The following HGS variants were observed in gnomAD, a reference collection of about 807,000 sequenced individuals.
The protein encoded by HGS is human growth factor-regulated tyrosine kinase substrate.
A neutral mutation model predicts 109.7 loss-of-function variants in HGS; 63 were observed. The observed-to-expected ratio is 0.57, with a 90% CI of 0.47 to 0.71. The LOEUF (loss-of-function observed/expected upper bound fraction) is 0.71. Among genes scored for constraint, HGS ranks in the 30% least tolerant of loss-of-function variants. The pLI, the probability that HGS is intolerant of heterozygous loss-of-function variation, is 0.00. For missense variants in HGS, 995 were observed against 1,068.3 expected, an observed-to-expected ratio of 0.93 and a Z score of 0.96; for synonymous variants, 546 against 437.3, an observed-to-expected ratio of 1.25 and a Z score of -3.10.
At chr17:81,687,851 C>A (rs1311011590) in intron 4 of HGS, among the ~76,000 whole-genome samples, 1 of 152,208 alleles carries the variant, frequency 6.6e-6, no homozygotes, top group South Asian at 2.1e-4. Context: ...CCGGGGATCC[C>A]GGTGGACAGC....
chr17:81,700,616 G>A lies in HGS; in HGVS notation c.2016+16G>A, dbSNP rs546638335. 2.3e-5 allele frequency: 36 copies of A among 1,595,188 alleles called. No homozygotes were observed. The highest frequency in any genetic ancestry group is 1.3e-4 in the African/African-American group (10 of 74,648). ...GGGCTACCAGGTACACAGGAAGGCC[G>A]CTCCTCTCCTTCCAGGGCCAGCCCC... On this transcript the variant is annotated intron_variant, in intron 19 of 21. Transcript: ENST00000329138.
intron 8 of HGS, among the ~76,000 whole-genome samples, 197 bp from the exon 9 acceptor site, chr17:81,693,305 CT>C (rs1473721569): frequency 2.0e-5 from 3 of 152,252 alleles, no homozygotes; most frequent in Admixed American, 1.3e-4. Context: ...CACCCGAGCC[CT>C]TGTGGCTGGT....
intron 2 of HGS, 31 bp from the exon 3 acceptor site, chr17:81,686,281 T>C (rs72858892): frequency 0.086 from 136,787 of 1,589,792 alleles, 6,916 homozygotes; most frequent in East Asian, 0.26. Context: ...TTTCCCGTTT[T>C]TCTCTGCTTT....
chr17:81,685,556 G>A (rs1236815343), intron 1 of HGS, 49 bp from the exon 2 acceptor site: 4 of 1,357,478 alleles, frequency 2.9e-6, no homozygotes, highest in Admixed American at 1.8e-5. Context: ...GTGCTGCACG[G>A]GGCGTCCAGC....
Position 81,690,254 on chromosome 17 carries a change from A to G in HGS, c.468+20A>G. On this transcript the variant is annotated intron_variant, in intron 6 of 21. Transcript: ENST00000329138. ...GAGAGAGTGAGTGTGGGCGGCCGCC[A>G]GGGGTTCTGGAGTCGGGCTGCTCAG... 2 of 1,613,168 alleles carry G rather than the reference A, an allele frequency of 1.2e-6. No individual in the cohort carries two copies. The highest frequency in any genetic ancestry group is 1.7e-6 in the Non-Finnish European group (2 of 1,179,458).
chr17:81,688,974 C>T, intron 5 of HGS, 147 bp downstream of exon 5: 1 of 1,129,718 alleles, frequency 8.9e-7, no homozygotes, highest in South Asian at 1.5e-5. Context: ...CCAGGGAAGA[C>T]CGTGCATGTG....
chr17:81,690,640 G>A (rs775555545), intron 6 of HGS, 34 bp from the exon 7 acceptor site: 4 of 1,597,120 alleles, frequency 2.5e-6, no homozygotes, highest in South Asian at 2.2e-5. Flanking sequence ...GGTGGGGCGG[G>A]AAGCGTGTGG....
intron 5 of HGS, among the ~76,000 whole-genome samples, chr17:81,689,966 C>A (rs1314555598): frequency 3.3e-5 from 5 of 152,178 alleles, no homozygotes; most frequent in Non-Finnish European, 7.4e-5. Flanking sequence ...AGGAAGAGGG[C>A]AGCAGGGCCT....
In HGS at chr17:81,694,824, G is replaced by C. The variant is rs757437851; in HGVS notation, c.946G>C (p.Ala316Pro). ...GCCCTTTTCTCCCCAGAACTCGTCGGCGCCTCTGGCTGAGGACATCGACCC... is the reference window on the plus strand; with the variant it reads ...GCCCTTTTCTCCCCAGAACTCGTCGCCGCCTCTGGCTGAGGACATCGACCC... Reference protein sequence around the residue: ...SLYSSPVNSSAPLAEDIDPEL... With the variant: ...SLYSSPVNSSPPLAEDIDPEL... The change falls in exon 12 of 22, where the codon GCG becomes CCG. Residue 316 changes from alanine (A) to proline (P), a missense_variant. By Grantham distance (27) the Ala-to-Pro change is conservative. Around this residue, in one of 6 missense-constraint regions of HGS, gnomAD observed 300 missense variants for 235.4 expected, o/e 1.27. Coordinates refer to ENST00000329138, the MANE Select transcript of HGS (RefSeq NM_004712.5). 1.9e-5 allele frequency: 30 copies of C among 1,614,248 alleles called. No individual in the cohort carries two copies. The highest frequency in any genetic ancestry group is 2.5e-5 in the Non-Finnish European group (30 of 1,180,034).
At chr17:81,696,057 T>C in intron 15 of HGS, 58 bp downstream of exon 15, 2 of 1,435,260 alleles carry the variant, frequency 1.4e-6, no homozygotes, top group Middle Eastern at 2.4e-4. Context: ...GTGAGCGCCA[T>C]CCTGGGCCAG....
chr17:81,686,436 C>A, intron 3 of HGS, 49 bp downstream of exon 3: 1 of 1,308,652 alleles, frequency 7.6e-7, no homozygotes, highest in Non-Finnish European at 1.1e-6. Flanking sequence ...CTACCCCCTA[C>A]TAGTCACGAC....
chr17:81,695,732 G>C (rs2037135363), intron 14 of HGS, 54 bp from the exon 15 acceptor site: 8 of 1,553,632 alleles, frequency 5.1e-6, no homozygotes, highest in Non-Finnish European at 7.1e-6. Flanking sequence ...GGCCCCACCA[G>C]GGAGGCTGGC....
rs2037150618 is a variant in HGS at position 81,696,480 on chromosome 17, G to A, written c.1517G>A (p.Arg506His). The change falls in exon 16 of 22, where the codon CGC (arginine) becomes CAC (histidine). Residue 506 changes from arginine (R) to histidine (H), a missense_variant. Coordinates refer to ENST00000329138, the MANE Select transcript of HGS (RefSeq NM_004712.5). Reference protein sequence around the residue: ...RRAAEEAERQRQIQLAQKLEI... With the variant: ...RRAAEEAERQHQIQLAQKLEI... ...GCAGCCGAGGAGGCAGAGCGCCAGC[G>A]CCAGATCCAGCTGGCCCAGAAGCTG... The A allele has an allele frequency of 3.3e-6, 5 of 1,528,256 alleles. No homozygotes were observed. The highest frequency in any genetic ancestry group is 1.2e-5 in the South Asian group (1 of 80,134). The allele number at this position is 1,528,256 out of a possible 1,614,324, so 94.7% of individuals were successfully genotyped here. A position where few individuals can be genotyped will look rare whatever the true frequency, so the allele number is the denominator to read the frequency against.
intron 4 of HGS, among the ~76,000 whole-genome samples, chr17:81,687,766 C>T (rs1482363793): frequency 6.6e-6 from 1 of 152,106 alleles, no homozygotes; most frequent in Non-Finnish European, 1.5e-5. Flanking sequence ...CAGGCTGCTC[C>T]CCTTCTGTCC....
At chr17:81,698,793 G>A (rs1248481741) in intron 18 of HGS, among the ~76,000 whole-genome samples, 1 of 152,234 alleles carries the variant, frequency 6.6e-6, no homozygotes, top group Non-Finnish European at 1.5e-5. Context: ...GTGCAGCCAG[G>A]TGCGGTGGCT....
At chr17:81,699,888 A>G (rs961036297) in intron 18 of HGS, among the ~76,000 whole-genome samples, 1 of 147,508 alleles carries the variant, frequency 6.8e-6, no homozygotes, top group Non-Finnish European at 1.5e-5. Flanking sequence ...CAGCCTGACC[A>G]ACATGGTGAA....
At position 81,694,988 on chromosome 17, in the gene HGS, C is replaced by T. The variant is rs756779042; in HGVS notation, c.1040C>T (p.Thr347Met). The change falls in exon 13 of 22, where the codon ACG becomes ATG. Residue 347 changes from threonine (T) to methionine (M), a missense_variant. Transcript: ENST00000329138. ...KKQEEARKSP[T>M]PSAPVPLTEP... ...CAGGAGGAGGCTCGCAAGAGCCCCA[C>T]GCCATCTGCGCCCGTGCCCCTGACG... The T allele has an allele frequency of 8.7e-6, 14 of 1,614,112 alleles. No individual in the cohort carries two copies. Among genetic ancestry groups the T allele is most frequent in the East Asian group, 2.2e-5 (1 of 44,878 alleles).
intron 19 of HGS, 35 bp downstream of exon 19, chr17:81,700,635 C>G (rs756869667): frequency 1.5e-6 from 2 of 1,316,946 alleles, no homozygotes; most frequent in Admixed American, 4.4e-5. Flanking sequence ...CTTCCAGGGC[C>G]AGCCCCAGCC....
chr17:81,701,226 C>T (rs1235252079), intron 21 of HGS, 95 bp downstream of exon 21: 3 of 1,141,820 alleles, frequency 2.6e-6, no homozygotes, highest in Admixed American at 1.9e-5. Context: ...GGGGATTGTC[C>T]CGTACGTCTG....
Sources: allele counts gnomAD v4.1 joint callset (sites outside exome capture counted in the v4.1 genomes callset), GRCh38; gene constraint gnomAD v4.1.1; regional missense constraint gnomAD v4.1.1; transcripts MANE v1.5; gene names NCBI Gene and HGNC (gene_info 2026-07-23, HGNC 2026-07-21).